The following PSMD1 variants were observed in gnomAD, a reference collection of about 807,000 sequenced individuals.
The protein encoded by PSMD1 is 26S proteasome non-ATPase regulatory subunit 1.
A neutral mutation model predicts 119.0 loss-of-function variants in PSMD1; 18 were observed. That is an observed-to-expected ratio of 0.15 (90% confidence interval 0.10 to 0.22). The LOEUF (loss-of-function observed/expected upper bound fraction) is 0.22. Among genes scored for constraint, PSMD1 ranks in the 10% least tolerant of loss-of-function variants. The pLI is 1.00. For missense variants in PSMD1, 702 were observed against 1,158.5 expected (o/e 0.61, Z 5.72); for synonymous variants, 374 against 396.6 (o/e 0.94, Z 0.68).
At chr2:231,094,971 A>G (rs962601847) in intron 16 of PSMD1, among the ~76,000 whole-genome samples, 1 of 152,140 alleles carries the variant, frequency 6.6e-6, no homozygotes, top group African/African-American at 2.4e-5. Flanking sequence ...ATATAGGGAG[A>G]TAGTGTTTTA....
intron 16 of PSMD1, among the ~76,000 whole-genome samples, chr2:231,126,806 A>G (rs570909257): frequency 6.6e-6 from 1 of 152,104 alleles, no homozygotes; most frequent in African/African-American, 2.4e-5. Context: ...TGTCTAAGGA[A>G]CGTAACTAGT....
chr2:231,080,783 G>A (rs762189245), intron 12 of PSMD1, among the ~76,000 whole-genome samples: 4 of 152,066 alleles, frequency 2.6e-5, no homozygotes, highest in Admixed American at 6.5e-5. Flanking sequence ...TTCTATATTG[G>A]AGTGAGGGCC....
At chr2:231,058,120 G>A (rs770020213) in intron 1 of PSMD1, among the ~76,000 whole-genome samples, 3 of 152,194 alleles carry the variant, frequency 2.0e-5, no homozygotes, top group Non-Finnish European at 4.4e-5. Flanking sequence ...GTCCCCAAGA[G>A]ATACAAGTGA....
At chr2:231,098,483 CTCTA>C (rs1186871766) in intron 16 of PSMD1, among the ~76,000 whole-genome samples, 1 of 151,642 alleles carries the variant, frequency 6.6e-6, no homozygotes, top group Non-Finnish European at 1.5e-5. Context: ...CTCTCTCTGT[CTCTA>C]TCTCTCTGAC....
In PSMD1 at chr2:231,165,719, C is replaced by T. The variant is rs1574780815; in HGVS notation, c.2569-152C>T. 9.3e-6 allele frequency: 6 copies of T among 648,456 alleles called. No individual in the cohort carries two copies. In the East Asian group the frequency reaches 1.7e-4, roughly 18 times the overall value. The allele number at this position is 648,456 out of a possible 1,614,324, so 40.2% of individuals were successfully genotyped here. A position where few individuals can be genotyped will look rare whatever the true frequency, so the allele number is the denominator to read the frequency against. The stretch of plus-strand genomic sequence containing the variant: ...TTCCTAAGCAGAGTTACTTTTCCCT[C>T]CTCTGAGTCTGATAGCACTTTAGTT... On this transcript the variant is annotated intron_variant, in intron 22 of 24. Transcript: ENST00000308696.
chr2:231,083,847 C>A, intron 14 of PSMD1, 84 bp downstream of exon 14: 1 of 1,322,600 alleles, frequency 7.6e-7, no homozygotes, highest in East Asian at 2.4e-5. Context: ...ACTCTGTTCC[C>A]ATCAGAACAT....
chr2:231,136,182 A>G (rs755679348), intron 16 of PSMD1, among the ~76,000 whole-genome samples: 3 of 152,238 alleles, frequency 2.0e-5, no homozygotes, highest in Non-Finnish European at 2.9e-5. Flanking sequence ...GTCAACTTCT[A>G]TACAGTTACA....
At chr2:231,096,409 G>T (rs1694727425) in intron 16 of PSMD1, among the ~76,000 whole-genome samples, 1 of 152,066 alleles carries the variant, frequency 6.6e-6, no homozygotes, top group Non-Finnish European at 1.5e-5. Flanking sequence ...GCACTTCTGT[G>T]TATAGCAGGA....
chr2:231,060,908 A>T (rs1693739807), intron 1 of PSMD1, among the ~76,000 whole-genome samples: 3 of 152,196 alleles, frequency 2.0e-5, no homozygotes, highest in Admixed American at 1.3e-4. Flanking sequence ...TAGAGAGCAA[A>T]AGAATCACAG....
chr2:231,061,322 AGAATAAGTAACTAGG>A lies in PSMD1; in HGVS notation c.60+13_60+27del. ...AACCACAGCTTAAGGTATGAATTGAAGAATAAGTAACTAGGCTTAGTGTGAATACTGTGAAGCCTT... is the reference window on the plus strand; with the variant it reads ...AACCACAGCTTAAGGTATGAATTGAACTTAGTGTGAATACTGTGAAGCCTT... On this transcript the variant is annotated intron_variant, in intron 2 of 24. Coordinates refer to ENST00000308696, the MANE Select transcript of PSMD1 (RefSeq NM_002807.4). The A allele has an allele frequency of 3.2e-6, 5 of 1,573,098 alleles. No individual in the cohort carries two copies. The highest frequency in any genetic ancestry group is 4.4e-6 in the Non-Finnish European group (5 of 1,146,428).
rs756286679 is a variant in PSMD1, at chr2:231,082,910, C to A, written c.1441C>A (p.Leu481Ile). Residue 481 changes from leucine (L) to isoleucine (I), a missense_variant, in exon 13 of 25, where the codon CTT (leucine) becomes ATT (isoleucine). Coordinates refer to ENST00000308696, the MANE Select transcript of PSMD1 (RefSeq NM_002807.4). Reference protein sequence around the residue: ...DIVRHGGSLGLGLAAMGTARQ... With the variant: ...DIVRHGGSLGIGLAAMGTARQ... The stretch of plus-strand genomic sequence containing the variant: ...CGTTAGACACGGTGGCAGTCTGGGC[C>A]TTGGTTTGGCAGCCATGGGAACTGC... The A allele has an allele frequency of 9.3e-6, 15 of 1,613,908 alleles. 1 individual carries two copies. The South Asian group carries it at 1.3e-4, about 14-fold the overall frequency.
chr2:231,115,815 G>A (rs778623248), intron 16 of PSMD1, among the ~76,000 whole-genome samples: 15 of 152,078 alleles, frequency 9.9e-5, no homozygotes, highest in Non-Finnish European at 2.1e-4. Context: ...AGTGAGGATC[G>A]GCATCACCTG....
intron 1 of PSMD1, 76 bp downstream of exon 1, chr2:231,057,117 G>T: frequency 1.4e-6 from 2 of 1,417,596 alleles, no homozygotes; most frequent in South Asian, 3.0e-5. Flanking sequence ...CAGGGCCGGT[G>T]ACTGGGCGCC....
intron 18 of PSMD1, among the ~76,000 whole-genome samples, chr2:231,151,200 AT>A (rs1696370682): frequency 6.6e-6 from 1 of 152,060 alleles, no homozygotes; most frequent in South Asian, 2.1e-4. Context: ...AGACCATACT[AT>A]TCATAACAAT....
Position 231,144,648 on chromosome 2 carries a change from A to G in PSMD1, c.1999-1592A>G, listed in dbSNP as rs533850060. On this transcript the variant is annotated intron_variant, in intron 17 of 24. Coordinates refer to ENST00000308696, the MANE Select transcript of PSMD1 (RefSeq NM_002807.4). ...AGGCTGGTCTCAAACTCCTGGCCTCAATTAATCCACCCACTTTGGCCTCAC... is the reference window on the plus strand; with the variant it reads ...AGGCTGGTCTCAAACTCCTGGCCTCGATTAATCCACCCACTTTGGCCTCAC... Among the ~76,000 whole-genome samples, 65 of 152,078 alleles carry G rather than the reference A, an allele frequency of 4.3e-4. 1 individual carries two copies. Among genetic ancestry groups the G allele is most frequent in the African/African-American group, 1.5e-3 (63 of 41,494 alleles).
Position 231,170,463 on chromosome 2 carries a change from T to G in PSMD1, c.2716-103T>G, listed in dbSNP as rs1019297264. On this transcript the variant is annotated intron_variant, in intron 23 of 24. Coordinates refer to ENST00000308696, the MANE Select transcript of PSMD1 (RefSeq NM_002807.4). The surrounding 1 kb of genome is among the most constrained non-coding windows in gnomAD (Gnocchi z 4.1). ...TCTACTCCAGTTTTTCACTTCCAAATCATTTAAGTAGTTTTAAAGTACCAT... is the reference window on the plus strand; with the variant it reads ...TCTACTCCAGTTTTTCACTTCCAAAGCATTTAAGTAGTTTTAAAGTACCAT... 4.8e-6 allele frequency: 6 copies of G among 1,238,622 alleles called. No homozygotes were observed. In the African/African-American group the frequency reaches 7.7e-5, roughly 16 times the overall value. The allele number at this position is 1,238,622 out of a possible 1,614,324, so 76.7% of individuals were successfully genotyped here.
rs1205211803 is a variant in PSMD1, at chr2:231,172,620, A to G, written c.*95A>G. 2 of 152,224 alleles carry G rather than the reference A, an allele frequency of 1.3e-5. No individual in the cohort carries two copies. Among genetic ancestry groups the G allele is most frequent in the African/African-American group, 4.8e-5 (2 of 41,458 alleles). 9.4% of individuals were successfully genotyped at this position (152,224 alleles called of 1,614,324 possible). On this transcript the variant is annotated 3_prime_UTR_variant, in exon 25 of 25. Transcript: ENST00000308696. ...AATTCATGCCGAGACCTGCTATTCA[A>G]TGCATGTATCGTTGCCTCTGCACTG...
At chr2:231,146,826 C>T (rs1468735357) in intron 18 of PSMD1, among the ~76,000 whole-genome samples, 5 of 152,222 alleles carry the variant, frequency 3.3e-5, no homozygotes, top group Admixed American at 2.0e-4. Context: ...TCCACATTCT[C>T]TTTTGGAATG....
intron 16 of PSMD1, among the ~76,000 whole-genome samples, chr2:231,126,408 C>T (rs772492303): frequency 1.3e-5 from 2 of 151,750 alleles, no homozygotes; most frequent in Non-Finnish European, 2.9e-5. Context: ...CACTGCGCTC[C>T]AGCTTGGGGT....
Sources: gnomAD v4.1 joint callset for allele counts (sites outside exome capture counted in the v4.1 genomes callset) on GRCh38, gnomAD v4.1.1 for gene constraint, Gnocchi (gnomAD v3.1) non-coding constraint, MANE v1.5 for transcripts, NCBI Gene and HGNC (gene_info 2026-07-23, HGNC 2026-07-21) for gene names.